Variants in SNX7 observed in about 807,000 individuals in gnomAD.
SNX7 encodes the protein sorting nexin-7.
In SNX7, 35 loss-of-function variants were observed where a neutral mutation model predicts 48.4. That is an observed-to-expected ratio of 0.72 (90% CI 0.55 to 0.96). The LOEUF (loss-of-function observed/expected upper bound fraction) is 0.96, where lower values mean the gene tolerates loss of function less well. Among genes scored for constraint, SNX7 ranks in the 40% least tolerant of loss-of-function variants. SNX7 has a pLI of 0.00. For synonymous variants in SNX7, 190 were observed against 190.2 expected, an observed-to-expected ratio of 1.00 and a Z score of 0.01; for missense variants, 553 against 548.9, an observed-to-expected ratio of 1.01 and a Z score of -0.07.
At chr1:98,754,363 G>A (rs1283623497) in intron 8 of SNX7, among the ~76,000 whole-genome samples, 1 of 151,958 alleles carries the variant, frequency 6.6e-6, no homozygotes, top group Non-Finnish European at 1.5e-5. Context: ...ATTTTGGACA[G>A]CATCCCCATG....
intron 7 of SNX7, among the ~76,000 whole-genome samples, chr1:98,737,142 G>C (rs1004665135): frequency 2.6e-5 from 4 of 151,382 alleles, no homozygotes; most frequent in African/African-American, 9.7e-5. Flanking sequence ...ACCTAGGCAT[G>C]CTTCTACCTC....
At chr1:98,675,357 G>T (rs1390377030) in intron 1 of SNX7, among the ~76,000 whole-genome samples, 1 of 152,168 alleles carries the variant, frequency 6.6e-6, no homozygotes, top group East Asian at 1.9e-4. Flanking sequence ...GAATGCTTTT[G>T]AGTGATTCAT....
Position 98,695,729 on chromosome 1 carries a change from A to G in SNX7, c.838+13A>G, listed in dbSNP as rs1177139610. 3 of 1,508,742 alleles carry G rather than the reference A, an allele frequency of 2.0e-6. No homozygotes were observed. The highest frequency in any genetic ancestry group is 2.8e-6 in the Non-Finnish European group (3 of 1,085,424). The allele number at this position is 1,508,742 out of a possible 1,614,324, so 93.5% of individuals were successfully genotyped here. ...AAGGAAGAAAGGGGTAAGTAGAATT[A>G]CTGAAATGTGATTTCAAAGTTGTTC... On this transcript the variant is annotated intron_variant, in intron 5 of 8. Transcript: ENST00000306121.
At chr1:98,742,604 G>A (rs1654125996) in intron 8 of SNX7, among the ~76,000 whole-genome samples, 1 of 151,916 alleles carries the variant, frequency 6.6e-6, no homozygotes, top group African/African-American at 2.4e-5. Flanking sequence ...GGAAATGCTT[G>A]TTTTATTATC....
At chr1:98,688,581 G>A (rs1650935288) in intron 2 of SNX7, among the ~76,000 whole-genome samples, 1 of 152,070 alleles carries the variant, frequency 6.6e-6, no homozygotes, top group Non-Finnish European at 1.5e-5. Flanking sequence ...CTCAAAAAAA[G>A]TTTTCTAAAT....
chr1:98,666,428 A>G (rs1649540590), intron 1 of SNX7, among the ~76,000 whole-genome samples: 1 of 152,114 alleles, frequency 6.6e-6, no homozygotes, highest in Admixed American at 6.6e-5. Context: ...AAGCAGGAGG[A>G]AATAAGGGGT....
intron 7 of SNX7, among the ~76,000 whole-genome samples, chr1:98,707,085 C>T (rs1283209526): frequency 6.6e-6 from 1 of 152,068 alleles, no homozygotes; most frequent in Non-Finnish European, 1.5e-5. Flanking sequence ...TGAGCCTTTA[C>T]TTTATCCTGT....
chr1:98,663,799 C>T (rs1282365851), intron 1 of SNX7, among the ~76,000 whole-genome samples: 2 of 152,156 alleles, frequency 1.3e-5, no homozygotes, highest in African/African-American at 4.8e-5. Flanking sequence ...ACACCTGGGT[C>T]CACCCTGCTT....
At chr1:98,691,513 T>G in intron 3 of SNX7, 22 bp from the exon 4 acceptor site, 1 of 1,549,632 alleles carries the variant, frequency 6.5e-7, no homozygotes, top group Non-Finnish European at 8.7e-7. Flanking sequence ...CTTGAATACC[T>G]TTTTAATTTT....
chr1:98,748,919 C>A (rs1043926519), intron 8 of SNX7, among the ~76,000 whole-genome samples: 2 of 152,014 alleles, frequency 1.3e-5, no homozygotes, highest in Admixed American at 6.6e-5. Context: ...AAATAATGTG[C>A]TTAAACATCA....
intron 8 of SNX7, among the ~76,000 whole-genome samples, chr1:98,739,187 C>T (rs1217897066): frequency 2.0e-5 from 3 of 151,976 alleles, no homozygotes; most frequent in African/African-American, 4.8e-5. Context: ...TTCACAATAG[C>T]GTTCACACTC....
At chr1:98,756,840 A>T (rs1368513215) in intron 8 of SNX7, among the ~76,000 whole-genome samples, 1 of 152,014 alleles carries the variant, frequency 6.6e-6, no homozygotes, top group Non-Finnish European at 1.5e-5. Flanking sequence ...TATTAGAGGG[A>T]TACTAATATA....
At chr1:98,694,367 CT>C (rs1651326553) in intron 4 of SNX7, among the ~76,000 whole-genome samples, 1 of 126,654 alleles carries the variant, frequency 7.9e-6, no homozygotes, top group Non-Finnish European at 1.6e-5. Context: ...GAGACTCCGT[CT>C]CAAAAAAAAA....
chr1:98,709,515 T>C (rs1652189476), intron 7 of SNX7, among the ~76,000 whole-genome samples: 1 of 152,150 alleles, frequency 6.6e-6, no homozygotes, highest in Admixed American at 6.5e-5. Flanking sequence ...TGTTGTACCA[T>C]TGATGCATCA....
In SNX7 at chr1:98,671,478, T is replaced by A. The variant is rs183811098; in HGVS notation, c.180+9567T>A. ...CATTGAAATGGAAAAATTTTATTAT[T>A]TTTGACTTTGAGAAATGCTTTTATA... On this transcript the variant is annotated intron_variant, in intron 1 of 8. Coordinates refer to ENST00000306121, the MANE Select transcript of SNX7 (RefSeq NM_015976.5). Among the ~76,000 whole-genome samples the A allele has an allele frequency of 5.0e-3, 756 of 152,276 alleles. 7 individuals carry two copies. The highest frequency in any genetic ancestry group is 0.039 in the South Asian group (188 of 4,830).
intron 7 of SNX7, among the ~76,000 whole-genome samples, chr1:98,737,264 T>C (rs1653829112): frequency 6.6e-6 from 1 of 152,188 alleles, no homozygotes; most frequent in East Asian, 1.9e-4. Flanking sequence ...TTATTTAGGC[T>C]TTCTCTGGCC....
chr1:98,664,875 T>C (rs1649455063), intron 1 of SNX7, among the ~76,000 whole-genome samples: 1 of 151,296 alleles, frequency 6.6e-6, no homozygotes, highest in Non-Finnish European at 1.5e-5. Context: ...ACAGTAAAAA[T>C]AAAAAAATAA....
chr1:98,738,795 A>C (rs1288435461), intron 8 of SNX7, among the ~76,000 whole-genome samples: 1 of 152,182 alleles, frequency 6.6e-6, no homozygotes, highest in Non-Finnish European at 1.5e-5. Flanking sequence ...CCATTCCATC[A>C]GCAAAAGAGT....
At chr1:98,740,116 G>A (rs1653996393) in intron 8 of SNX7, among the ~76,000 whole-genome samples, 1 of 152,152 alleles carries the variant, frequency 6.6e-6, no homozygotes. Flanking sequence ...GAACTGGAAA[G>A]ATCATTTTCT....
Sources: gnomAD v4.1 joint callset for allele counts (sites outside exome capture counted in the v4.1 genomes callset) on GRCh38, gnomAD v4.1.1 for gene constraint, MANE v1.5 for transcripts, NCBI Gene and HGNC (gene_info 2026-07-23, HGNC 2026-07-21) for gene names.